Variants in EML6 observed in about 807,000 individuals in gnomAD.
EML6 encodes the protein EMAP like 6.
Under a neutral mutation model 240.1 loss-of-function variants are expected in EML6, and 154 were observed. That is an observed-to-expected ratio of 0.64 (90% CI 0.56 to 0.73). The LOEUF (loss-of-function observed/expected upper bound fraction) is 0.73, where lower values mean the gene tolerates loss of function less well. EML6 is among the 30% of genes least tolerant of loss of function. The pLI is 0.00. For synonymous variants in EML6, 1,148 were observed against 899.0 expected (o/e 1.28, Z -4.95); for missense variants, 2,964 against 2,474.6 (o/e 1.20, Z -4.20).
intron 26 of EML6, among the ~76,000 whole-genome samples, chr2:54,922,989 T>G (rs973145310): frequency 2.1e-5 from 3 of 140,816 alleles, no homozygotes; most frequent in Non-Finnish European, 3.0e-5. Flanking sequence ...TTGCCCAGGC[T>G]GGAGTGCAAT....
intron 2 of EML6, among the ~76,000 whole-genome samples, chr2:54,794,354 C>T (rs563760321): frequency 1.3e-5 from 2 of 152,234 alleles, no homozygotes; most frequent in Admixed American, 6.5e-5. Flanking sequence ...TTTCTCTGTT[C>T]TTATTATTGA....
At chr2:54,970,035 A>AGT in intron 41 of EML6, 36 bp from the exon 42 acceptor site, 1 of 1,551,234 alleles carries the variant, frequency 6.4e-7, no homozygotes, top group South Asian at 1.2e-5. Flanking sequence ...TATGATGTCC[A>AGT]GCTATGCAAA....
Position 54,725,377 on chromosome 2 carries a change from C to A in EML6, c.197+119C>A. 1.4e-6 allele frequency: 1 copy of A among 716,086 alleles called. No homozygotes were observed. The highest frequency in any genetic ancestry group is 2.1e-6 in the Non-Finnish European group (1 of 477,562). 44.4% of individuals were successfully genotyped at this position (716,086 alleles called of 1,614,324 possible). A position where few individuals can be genotyped will look rare whatever the true frequency, so the allele number is the denominator to read the frequency against. ...TGGAATAGAGGATTCTCTCTGGAGC[C>A]GCATGGAATTACTGAAGGGCTGCTG... On this transcript the variant is annotated intron_variant, in intron 2 of 41. Coordinates refer to ENST00000356458, the MANE Select transcript of EML6 (RefSeq NM_001039753.4). The surrounding 1 kb of genome is among the most constrained non-coding windows in gnomAD (Gnocchi z 4.3).
chr2:54,813,659 A>T lies in EML6; in HGVS notation c.357+268A>T, dbSNP rs564469655. Among the ~76,000 whole-genome samples, 6 of 152,304 alleles carry T rather than the reference A, an allele frequency of 3.9e-5. No homozygotes were observed. In the South Asian group the frequency reaches 1.2e-3, roughly 32 times the overall value. On this transcript the variant is annotated intron_variant, in intron 3 of 41. Transcript: ENST00000356458. ...TCATGAATTCATGGTGATCAGGTTC[A>T]CCATAGCCCAGTAATTCTACTTTGT...
At chr2:54,860,372 G>C (rs937479748) in intron 12 of EML6, among the ~76,000 whole-genome samples, 1 of 152,186 alleles carries the variant, frequency 6.6e-6, no homozygotes, top group Non-Finnish European at 1.5e-5. Flanking sequence ...CCCTGGAGCA[G>C]TTCTGAGAAG....
At chr2:54,772,427 C>T (rs982573584) in intron 2 of EML6, among the ~76,000 whole-genome samples, 8 of 152,064 alleles carry the variant, frequency 5.3e-5, no homozygotes, top group African/African-American at 1.9e-4. Context: ...TCATATGGAA[C>T]GGTGAAAATT....
intron 2 of EML6, among the ~76,000 whole-genome samples, chr2:54,765,327 A>C (rs532694055): frequency 6.6e-6 from 1 of 152,334 alleles, no homozygotes; most frequent in African/African-American, 2.4e-5. Flanking sequence ...ACAATGGCTA[A>C]AACTTGTTAT....
intron 17 of EML6, among the ~76,000 whole-genome samples, chr2:54,886,766 A>C (rs780095196): frequency 5.9e-5 from 9 of 152,028 alleles, no homozygotes; most frequent in Non-Finnish European, 1.2e-4. Context: ...TTTATTATTG[A>C]GTTTTAAGAG....
Position 54,957,884 on chromosome 2 carries a change from C to T in EML6, c.4581C>T (p.Val1527=). The T allele has an allele frequency of 6.4e-7, 1 of 1,551,502 alleles. No individual in the cohort carries two copies. Among genetic ancestry groups the T allele is most frequent in the Middle Eastern group, 1.7e-4 (1 of 5,826 alleles). The part of the protein sequence containing the change: ...DSDTQFVSVG[V]KHMKFWTLAG... ...ACACGCAGTTTGTATCTGTCGGGGTCAAACATATGAAGTTCTGGACCCTGG... is the reference window on the plus strand; with the variant it reads ...ACACGCAGTTTGTATCTGTCGGGGTTAAACATATGAAGTTCTGGACCCTGG... The change falls in exon 33 of 42, where the codon GTC becomes GTT. Residue 1527 remains valine, a synonymous_variant. Coordinates refer to ENST00000356458, the MANE Select transcript of EML6 (RefSeq NM_001039753.4).
rs914379826 is a variant in EML6 at position 54,814,243 on chromosome 2, G to T, written c.357+852G>T. ...AGACCTTGCATGTTTGTACCTCTGGGCCCTGCCTCAGTCTGTCCTGTCCAC... is the reference window on the plus strand; with the variant it reads ...AGACCTTGCATGTTTGTACCTCTGGTCCCTGCCTCAGTCTGTCCTGTCCAC... On this transcript the variant is annotated intron_variant, in intron 3 of 41. Transcript: ENST00000356458. Among the ~76,000 whole-genome samples, 5 of 152,078 alleles carry T rather than the reference G, an allele frequency of 3.3e-5. 1 individual carries two copies. The highest frequency in any genetic ancestry group is 1.2e-4 in the African/African-American group (5 of 41,392).
intron 2 of EML6, among the ~76,000 whole-genome samples, chr2:54,727,801 T>C (rs1272080341): frequency 2.6e-5 from 4 of 152,174 alleles, no homozygotes; most frequent in Non-Finnish European, 5.9e-5. Flanking sequence ...TCTATACTGC[T>C]TTATTTTTTG....
At chr2:54,851,858 G>T (rs895853789) in intron 10 of EML6, among the ~76,000 whole-genome samples, 1 of 152,190 alleles carries the variant, frequency 6.6e-6, no homozygotes, top group Admixed American at 6.5e-5. Flanking sequence ...TGAACTGGAG[G>T]TATCATCCGT....
intron 28 of EML6, among the ~76,000 whole-genome samples, chr2:54,946,562 C>A (rs1478970582): frequency 6.6e-6 from 1 of 152,214 alleles, no homozygotes; most frequent in East Asian, 1.9e-4. Flanking sequence ...AAGTCTCTGG[C>A]AGTCCCTCCC....
chr2:54,742,326 A>G (rs890610098), intron 2 of EML6, among the ~76,000 whole-genome samples: 1 of 152,158 alleles, frequency 6.6e-6, no homozygotes, highest in Non-Finnish European at 1.5e-5. Flanking sequence ...GTCAAAGGGT[A>G]TATGTGTCTC....
At chr2:54,780,719 T>C (rs945884118) in intron 2 of EML6, among the ~76,000 whole-genome samples, 3 of 152,216 alleles carry the variant, frequency 2.0e-5, no homozygotes, top group African/African-American at 7.2e-5. Context: ...GCTATAAATA[T>C]GGAATGATAA....
At chr2:54,790,942 G>A (rs1383382770) in intron 2 of EML6, among the ~76,000 whole-genome samples, 9 of 151,772 alleles carry the variant, frequency 5.9e-5, no homozygotes, top group Non-Finnish European at 1.0e-4. Context: ...AGCCAGGATG[G>A]TCTCGATCTC....
chr2:54,838,651 A>G (rs1669278801), intron 7 of EML6, among the ~76,000 whole-genome samples: 2 of 152,238 alleles, frequency 1.3e-5, no homozygotes, highest in African/African-American at 2.4e-5. Flanking sequence ...TGGTCTGAGT[A>G]TAAAATCAGG....
At chr2:54,899,939 A>G (rs565445394) in intron 22 of EML6, among the ~76,000 whole-genome samples, 157 bp downstream of exon 22, 1 of 152,232 alleles carries the variant, frequency 6.6e-6, no homozygotes, top group Non-Finnish European at 1.5e-5. Flanking sequence ...AGTCATAACT[A>G]AGCACATGTA....
chr2:54,752,542 TAATAA>T (rs1271621667), intron 2 of EML6, among the ~76,000 whole-genome samples: 4 of 152,216 alleles, frequency 2.6e-5, no homozygotes, highest in Admixed American at 6.5e-5. Flanking sequence ...AAAAATTGAA[TAATAA>T]AATATGTTCT....
Sources: gnomAD v4.1 joint callset for allele counts (sites outside exome capture counted in the v4.1 genomes callset) on GRCh38, gnomAD v4.1.1 for gene constraint, Gnocchi (gnomAD v3.1) non-coding constraint, MANE v1.5 for transcripts, NCBI Gene and HGNC (gene_info 2026-07-23, HGNC 2026-07-21) for gene names.